Variants in FGF14 observed in about 807,000 individuals in gnomAD.
FGF14 encodes fibroblast growth factor 14.
Under a neutral mutation model 25.5 loss-of-function variants are expected in FGF14, and 5 were observed. The ratio of observed to expected loss-of-function variants is 0.20; its 90% CI spans 0.10 to 0.41. The LOEUF (loss-of-function observed/expected upper bound fraction) is 0.41, where lower values mean the gene tolerates loss of function less well. FGF14 is among the 10% of genes least tolerant of loss of function. The pLI, the probability that FGF14 is intolerant of heterozygous loss-of-function variation, is 1.00. For missense variants in FGF14, 222 were observed against 320.1 expected (o/e 0.69, Z 2.34); for synonymous variants, 138 against 118.3 (o/e 1.17, Z -1.08).
intron 1 of FGF14, among the ~76,000 whole-genome samples, chr13:101,950,006 TC>T: frequency 6.6e-6 from 1 of 152,244 alleles, no homozygotes; most frequent in East Asian, 1.9e-4. Context: ...TTTTTCTTTT[TC>T]TTTTTTTTTC....
At chr13:102,363,858 T>C (rs1274748063) in intron 1 of FGF14, among the ~76,000 whole-genome samples, 1 of 152,176 alleles carries the variant, frequency 6.6e-6, no homozygotes, top group African/African-American at 2.4e-5. Context: ...GGTATTTCCA[T>C]TTTTCAGGGG....
intron 1 of FGF14, 102 bp from the exon 2 acceptor site, chr13:101,875,398 C>T (rs1049576784): frequency 2.7e-5 from 21 of 783,738 alleles, no homozygotes; most frequent in African/African-American, 2.6e-4. Context: ...ACATTTTATA[C>T]AAGTAGCATA....
chr13:101,774,657 T>C (rs1482674022), intron 3 of FGF14, among the ~76,000 whole-genome samples: 2 of 152,094 alleles, frequency 1.3e-5, no homozygotes, highest in Non-Finnish European at 2.9e-5. Flanking sequence ...AATCTTGCAT[T>C]GGATAAAGAG....
At chr13:101,840,532 A>G (rs192701819) in intron 3 of FGF14, among the ~76,000 whole-genome samples, 325 of 151,982 alleles carry the variant, frequency 2.1e-3, no homozygotes, top group Non-Finnish European at 3.8e-3. Flanking sequence ...TTTGATAGCT[A>G]CAAGACTCAT....
intron 3 of FGF14, among the ~76,000 whole-genome samples, chr13:101,824,898 A>G (rs3007763): frequency 0.27 from 41,039 of 152,120 alleles, 5,853 homozygotes; most frequent in African/African-American, 0.33. Flanking sequence ...CCGGGTTGCT[A>G]AATACATCCC....
chr13:101,801,622 A>G (rs2040874917), intron 3 of FGF14, among the ~76,000 whole-genome samples: 1 of 152,210 alleles, frequency 6.6e-6, no homozygotes, highest in Non-Finnish European at 1.5e-5. Context: ...GTGGTAATAG[A>G]AAGAAGTGGG....
chr13:101,839,984 C>G lies in FGF14; in HGVS notation c.408+28741G>C, dbSNP rs960127347. Among the ~76,000 whole-genome samples, 13 of 151,970 alleles carry G rather than the reference C, an allele frequency of 8.6e-5. No individual in the cohort carries two copies. The East Asian group carries it at 9.7e-4, about 11-fold the overall frequency. On this transcript the variant is annotated intron_variant, in intron 3 of 4. Coordinates refer to ENST00000376143, the MANE Select transcript of FGF14 (RefSeq NM_004115.4). ...AGAATGGCTGATCTGTTTTTGTGTC[C>G]CTTTAACTCCAGCAGTTTAATAAAT...
At chr13:101,914,443 TC>T (rs1693111552) in intron 1 of FGF14, among the ~76,000 whole-genome samples, 1 of 152,054 alleles carries the variant, frequency 6.6e-6, no homozygotes, top group Non-Finnish European at 1.5e-5. Flanking sequence ...TATCTTCCCT[TC>T]TATTTTCCTG....
Position 102,055,479 on chromosome 13 carries a change from T to C in FGF14, c.209-180183A>G, listed in dbSNP as rs2042388779. Among the ~76,000 whole-genome samples, 5 of 152,366 alleles carry C rather than the reference T, an allele frequency of 3.3e-5. No homozygotes were observed. The South Asian group carries it at 1.0e-3, about 32-fold the overall frequency. ...TAACTAAGATTATATCATATTCCTGTTGAACACCATTCAAAGGCTTGTTAT... is the reference window on the plus strand; with the variant it reads ...TAACTAAGATTATATCATATTCCTGCTGAACACCATTCAAAGGCTTGTTAT... On this transcript the variant is annotated intron_variant, in intron 1 of 4. Coordinates refer to the FGF14 transcript ENST00000376131.
chr13:101,897,459 C>G (rs544866914), intron 1 of FGF14, among the ~76,000 whole-genome samples: 4 of 152,142 alleles, frequency 2.6e-5, no homozygotes, highest in Admixed American at 6.5e-5. Flanking sequence ...GATTTCTTGT[C>G]AGGGCTACTC....
At chr13:102,143,988 T>G (rs558418346) in intron 1 of FGF14, among the ~76,000 whole-genome samples, 3 of 152,280 alleles carry the variant, frequency 2.0e-5, no homozygotes, top group Non-Finnish European at 4.4e-5. Context: ...CCTCAAATTT[T>G]AAAGCCAAAA....
intron 1 of FGF14, among the ~76,000 whole-genome samples, chr13:102,125,324 T>C (rs1195700344): frequency 1.3e-5 from 2 of 152,174 alleles, no homozygotes; most frequent in Non-Finnish European, 1.5e-5. Context: ...TAAAAATACA[T>C]ATTCATAGAA....
Position 101,788,606 on chromosome 13 carries a change from T to A in FGF14, c.409-61796A>T, listed in dbSNP as rs531389628. On this transcript the variant is annotated intron_variant, in intron 3 of 4. Coordinates refer to ENST00000376143, the MANE Select transcript of FGF14 (RefSeq NM_004115.4). Reference sequence around the variant, plus strand: ...CTTCGACATTACATGCTTGCCTTCCTTGCTTACTTTGAATGTGATCAAGTT... The same window carrying A: ...CTTCGACATTACATGCTTGCCTTCCATGCTTACTTTGAATGTGATCAAGTT... Among the ~76,000 whole-genome samples the A allele has an allele frequency of 6.4e-4, 98 of 152,058 alleles. 1 individual carries two copies. Among genetic ancestry groups the A allele is most frequent in the African/African-American group, 2.1e-3 (89 of 41,506 alleles).
rs1411567346 is a variant in FGF14, at chr13:101,714,784, C to A, written c.*8047G>T. 1 of 521,856 alleles carries A rather than the reference C, an allele frequency of 1.9e-6. No individual in the cohort carries two copies. The highest frequency in any genetic ancestry group is 3.1e-5 in the East Asian group (1 of 32,118). The allele number at this position is 521,856 out of a possible 1,614,324, so 32.3% of individuals were successfully genotyped here. A position where few individuals can be genotyped will look rare whatever the true frequency, so the allele number is the denominator to read the frequency against. On this transcript the variant is annotated 3_prime_UTR_variant, in exon 5 of 5. Coordinates refer to ENST00000376143, the MANE Select transcript of FGF14 (RefSeq NM_004115.4). ...CTAAATTTTGTGATTATTTGGGATC[C>A]TTCCACAAAGTAACCTCCCCACCCT...
At chr13:102,288,924 TTTCTCTATA>T (rs1333217310) in intron 1 of FGF14, among the ~76,000 whole-genome samples, 1 of 152,126 alleles carries the variant, frequency 6.6e-6, no homozygotes, top group East Asian at 1.9e-4. Context: ...CTTCAACATT[TTTCTCTATA>T]TTCTGTGAAT....
chr13:102,228,130 T>C (rs1171150557), intron 1 of FGF14, among the ~76,000 whole-genome samples: 1 of 152,206 alleles, frequency 6.6e-6, no homozygotes, highest in Non-Finnish European at 1.5e-5. Context: ...TTCTTCCTCA[T>C]GGCAGTTTTC....
chr13:101,828,472 C>CTTTT (rs59346051), intron 3 of FGF14, among the ~76,000 whole-genome samples: 1 of 141,120 alleles, frequency 7.1e-6, no homozygotes, highest in South Asian at 2.3e-4. Flanking sequence ...AAATAAAAGA[C>CTTTT]TTTTTTTTTT....
At chr13:102,133,317 A>G (rs1344159133) in intron 1 of FGF14, among the ~76,000 whole-genome samples, 2 of 152,242 alleles carry the variant, frequency 1.3e-5, no homozygotes, top group African/African-American at 4.8e-5. Flanking sequence ...AAGTGTGTAC[A>G]TAAAAGGTGT....
intron 1 of FGF14, among the ~76,000 whole-genome samples, chr13:102,145,142 G>A (rs1049677533): frequency 6.6e-6 from 1 of 152,128 alleles, no homozygotes; most frequent in South Asian, 2.1e-4. Context: ...AGTATTGTGG[G>A]TAGGCATATG....
Sources: allele counts gnomAD v4.1 joint callset (sites outside exome capture counted in the v4.1 genomes callset), GRCh38; gene constraint gnomAD v4.1.1; transcripts MANE v1.5; gene names NCBI Gene and HGNC (gene_info 2026-07-23, HGNC 2026-07-21).